The following ZDHHC15 variants were observed in gnomAD, a reference collection of about 807,000 sequenced individuals.
The protein encoded by ZDHHC15 is zDHHC palmitoyltransferase 15.
In ZDHHC15, 19 loss-of-function variants were observed where a neutral mutation model predicts 31.7. The ratio of observed to expected loss-of-function variants is 0.60; its 90% CI spans 0.42 to 0.88. The LOEUF (loss-of-function observed/expected upper bound fraction) is 0.88. Among genes scored for constraint, ZDHHC15 ranks in the 40% least tolerant of loss-of-function variants. ZDHHC15 has a pLI of 0.00. For synonymous variants in ZDHHC15, 103 were observed against 90.0 expected, an observed-to-expected ratio of 1.14 and a Z score of -0.82; for missense variants, 209 against 251.2, an observed-to-expected ratio of 0.83 and a Z score of 1.14.
intron 2 of ZDHHC15, among the ~76,000 whole-genome samples, chrX:75,497,063 G>C (rs760633920): frequency 9.0e-6 from 1 of 111,364 alleles, no homozygotes; most frequent in Non-Finnish European, 1.9e-5. Context: ...ATATTTGAAA[G>C]ATAAACAAAA....
chrX:75,502,486 T>C (rs1159482191), intron 2 of ZDHHC15, among the ~76,000 whole-genome samples: 2 of 112,181 alleles, frequency 1.8e-5, no homozygotes, highest in African/African-American at 3.2e-5. Flanking sequence ...AACCATTTTA[T>C]GAATGAAATC....
chrX:75,518,769 G>GTA lies in ZDHHC15; in HGVS notation c.136+4118_136+4119dup, dbSNP rs1162307795. Among the ~76,000 whole-genome samples, 121 of 32,522 alleles carry GTA rather than the reference G, an allele frequency of 3.7e-3. 3 individuals carry two copies. The highest frequency in any genetic ancestry group is 0.017 in the African/African-American group (93 of 5,566). The allele number at this position is 32,522 out of a possible 115,157, so 28.2% of individuals were successfully genotyped here. A position where few individuals can be genotyped will look rare whatever the true frequency, so the allele number is the denominator to read the frequency against. ...TAATGGATGAATGGATAACAAACTG[G>GTA]TATATATATATATATATATATATAT... On this transcript the variant is annotated intron_variant, in intron 1 of 11. Coordinates refer to ENST00000373367, the MANE Select transcript of ZDHHC15 (RefSeq NM_144969.3).
intron 3 of ZDHHC15, 36 bp downstream of exon 3, chrX:75,478,855 T>G (rs370446353): frequency 5.3e-5 from 57 of 1,065,519 alleles, no homozygotes; most frequent in Non-Finnish European, 7.1e-5. Context: ...TACTTTTTTC[T>G]GTTCTTATCC....
At chrX:75,437,038 T>C (rs759876476) in intron 4 of ZDHHC15, among the ~76,000 whole-genome samples, 65 of 110,197 alleles carry the variant, frequency 5.9e-4, no homozygotes, top group Admixed American at 2.7e-3. Flanking sequence ...CCCACCACCA[T>C]GCCCGGCTAA....
At chrX:75,483,664 G>C (rs2084730153) in intron 2 of ZDHHC15, among the ~76,000 whole-genome samples, 1 of 112,203 alleles carries the variant, frequency 8.9e-6, no homozygotes, top group Non-Finnish European at 1.9e-5. Flanking sequence ...CATTGATCTT[G>C]GGGATAAGAA....
At chrX:75,375,492 G>A (rs1005448432) in intron 11 of ZDHHC15, among the ~76,000 whole-genome samples, 8 of 111,034 alleles carry the variant, frequency 7.2e-5, no homozygotes, top group African/African-American at 2.6e-4. Flanking sequence ...TGAGGTTTGG[G>A]GTATAGATCC....
intron 10 of ZDHHC15, among the ~76,000 whole-genome samples, chrX:75,406,235 C>T (rs75302399): frequency 9.0e-6 from 1 of 110,955 alleles, no homozygotes; most frequent in Non-Finnish European, 1.9e-5. Context: ...TAAATGCCTA[C>T]ATCAAAAAAG....
At chrX:75,490,446 A>T (rs2084864439) in intron 2 of ZDHHC15, among the ~76,000 whole-genome samples, 1 of 111,860 alleles carries the variant, frequency 8.9e-6, no homozygotes. Flanking sequence ...CAACATTCTT[A>T]AAGAAAAGAA....
chrX:75,374,627 A>G (rs1280013633), intron 11 of ZDHHC15, among the ~76,000 whole-genome samples: 1 of 108,477 alleles, frequency 9.2e-6, no homozygotes, highest in Non-Finnish European at 1.9e-5. Context: ...AACACTTCTG[A>G]TATCCATTAA....
intron 2 of ZDHHC15, among the ~76,000 whole-genome samples, chrX:75,493,361 G>A (rs1490624680): frequency 8.9e-6 from 1 of 111,775 alleles, no homozygotes; most frequent in African/African-American, 3.3e-5. Context: ...GGTACAAGGA[G>A]GAGCTGGTAC....
intron 10 of ZDHHC15, among the ~76,000 whole-genome samples, chrX:75,416,781 A>G (rs1013885216): frequency 9.0e-6 from 1 of 111,718 alleles, no homozygotes; most frequent in Non-Finnish European, 1.9e-5. Flanking sequence ...TGAACTCCAC[A>G]TTCAAGCAAA....
chrX:75,431,060 A>T (rs1012048886), intron 5 of ZDHHC15, among the ~76,000 whole-genome samples: 1 of 111,998 alleles, frequency 8.9e-6, no homozygotes, highest in East Asian at 2.8e-4. Context: ...TTATGGAAAA[A>T]CTGAGGAAAT....
intron 4 of ZDHHC15, among the ~76,000 whole-genome samples, chrX:75,445,683 C>T (rs1311823559): frequency 9.0e-6 from 1 of 111,729 alleles, no homozygotes; most frequent in African/African-American, 3.3e-5. Context: ...AGTTGAACTC[C>T]CAGTCTTGTA....
intron 10 of ZDHHC15, among the ~76,000 whole-genome samples, chrX:75,399,362 T>G (rs1167028221): frequency 1.8e-5 from 2 of 111,491 alleles, no homozygotes; most frequent in Non-Finnish European, 3.8e-5. Context: ...AGACCCTAAG[T>G]GTCTTATCCA....
At chrX:75,488,681 C>G (rs73625849) in intron 2 of ZDHHC15, among the ~76,000 whole-genome samples, 1 of 112,104 alleles carries the variant, frequency 8.9e-6, no homozygotes, top group Non-Finnish European at 1.9e-5. Context: ...GACACAGAGA[C>G]GGGTGATTGC....
chrX:75,369,177 T>C lies in ZDHHC15; in HGVS notation c.*3801A>G, dbSNP rs1337104263. The C allele has an allele frequency of 8.9e-6, 1 of 112,419 alleles. No homozygotes were observed. Among genetic ancestry groups the C allele is most frequent in the Non-Finnish European group, 1.9e-5 (1 of 53,305 alleles). 9.3% of individuals were successfully genotyped at this position (112,419 alleles called of 1,213,427 possible). On this transcript the variant is annotated 3_prime_UTR_variant, in exon 12 of 12. Transcript: ENST00000373367. ...TTAGCTACTCTGAGAGCAGAGATTC[T>C]GGAATGTATAAATCTAATGTTCTTC...
chrX:75,503,318 T>C (rs2085114321), intron 2 of ZDHHC15, among the ~76,000 whole-genome samples: 1 of 110,675 alleles, frequency 9.0e-6, no homozygotes, highest in Non-Finnish European at 1.9e-5. Context: ...CCCTATAAAA[T>C]ACAAATGTAT....
rs1367543843 is a variant in ZDHHC15 at position 75,407,563 on chromosome X, C to A, written c.967+9524G>T. ...CGGGAGGGAGGTGGGGGGCAGCCCCCGCCCGGCCAGCTGCCCCGTTTGGGA... is the reference window on the plus strand; with the variant it reads ...CGGGAGGGAGGTGGGGGGCAGCCCCAGCCCGGCCAGCTGCCCCGTTTGGGA... On this transcript the variant is annotated intron_variant, in intron 10 of 11. Transcript: ENST00000373367. Among the ~76,000 whole-genome samples the A allele has an allele frequency of 2.7e-5, 3 of 109,653 alleles. No homozygotes were observed. The Admixed American group carries it at 2.8e-4, about 10-fold the overall frequency.
intron 7 of ZDHHC15, among the ~76,000 whole-genome samples, chrX:75,426,324 C>T (rs920078744): frequency 6.8e-4 from 76 of 111,672 alleles, no homozygotes; most frequent in Non-Finnish European, 2.6e-4. Context: ...AGTCAGTCCA[C>T]AGTCTGTCTG....
Sources: gnomAD v4.1 joint callset for allele counts (sites outside exome capture counted in the v4.1 genomes callset) on GRCh38, gnomAD v4.1.1 for gene constraint, MANE v1.5 for transcripts, NCBI Gene and HGNC (gene_info 2026-07-23, HGNC 2026-07-21) for gene names.